POGZ: variants seen among roughly 807,000 people sequenced by gnomAD.
POGZ encodes the protein pogo transposable element with ZNF domain.
Under a neutral mutation model 134.6 loss-of-function variants are expected in POGZ, and 17 were observed. The observed-to-expected ratio is 0.13, with a 90% CI of 0.09 to 0.19. The LOEUF is 0.19. Ranked by LOEUF, POGZ falls within the 10% of genes least tolerant of loss-of-function variation. The probability of loss-of-function intolerance (pLI) is 1.00; values close to 1 mark genes in which losing one functional copy is unlikely to be tolerated. For missense variants in POGZ, 1,306 were observed against 1,769.7 expected, an observed-to-expected ratio of 0.74 and a Z score of 4.70; for synonymous variants, 693 against 657.1, an observed-to-expected ratio of 1.05 and a Z score of -0.84.
Position 151,423,434 on chromosome 1 carries a change from G to A in POGZ, c.1641C>T (p.Cys547=), listed in dbSNP as rs748529980. Residue 547 remains cysteine, a synonymous_variant, in exon 10 of 19, where the codon TGC becomes TGT. Coordinates refer to ENST00000271715, the MANE Select transcript of POGZ (RefSeq NM_015100.4). ...RQFSTPFQLQ[C]HLENVHSPYE... ...AGGGACTATGAACATTTTCCAAGTG[G>A]CACTGAAGCTGGAAGGGAGTGGAAA... 2 of 1,613,952 alleles carry A rather than the reference G, an allele frequency of 1.2e-6. No homozygotes were observed. Among genetic ancestry groups the A allele is most frequent in the Non-Finnish European group, 1.7e-6 (2 of 1,179,928 alleles).
intron 1 of POGZ, among the ~76,000 whole-genome samples, chr1:151,444,719 A>G (rs1027424641): frequency 5.3e-5 from 8 of 152,232 alleles, no homozygotes; most frequent in Admixed American, 1.3e-4. Flanking sequence ...AGTATTTACA[A>G]TACCTTAAGA....
chr1:151,450,066 C>G (rs1247829153), intron 1 of POGZ, among the ~76,000 whole-genome samples: 44 of 106,672 alleles, frequency 4.1e-4, no homozygotes, highest in Admixed American at 1.5e-4. Flanking sequence ...GAGTCTTGCT[C>G]TGTCACCCAG....
chr1:151,408,678 C>A lies in POGZ; in HGVS notation c.2061+16G>T. On this transcript the variant is annotated intron_variant, in intron 13 of 18. Transcript: ENST00000271715. ...TCCCTCCCTGGGCCTATAAAAGACA[C>A]TGGCAAACTCTTTACCTTGGTGCCT... 1 of 1,611,290 alleles carries A rather than the reference C, an allele frequency of 6.2e-7. No homozygotes were observed. Among genetic ancestry groups the A allele is most frequent in the East Asian group, 2.2e-5 (1 of 44,864 alleles).
Position 151,424,444 on chromosome 1 carries a change from T to C in POGZ, c.1186-158A>G, listed in dbSNP as rs984133135. 2.3e-5 allele frequency: 13 copies of C among 558,592 alleles called. No individual in the cohort carries two copies. In the Admixed American group the frequency reaches 4.4e-4, roughly 19 times the overall value. 34.6% of individuals were successfully genotyped at this position (558,592 alleles called of 1,614,324 possible). On this transcript the variant is annotated intron_variant, in intron 8 of 18. Coordinates refer to ENST00000271715, the MANE Select transcript of POGZ (RefSeq NM_015100.4). The stretch of plus-strand genomic sequence containing the variant: ...TTTAGCGTTTCCAAGTTTTACTCCT[T>C]TTCTAGAGTATATCCACATATGCCA...
intron 16 of POGZ, 35 bp from the exon 17 acceptor site, chr1:151,407,058 A>C: frequency 6.7e-7 from 1 of 1,499,684 alleles, no homozygotes; most frequent in Non-Finnish European, 9.3e-7. Context: ...TAAGACAAAC[A>C]CAGCAGTGAC....
Position 151,417,068 on chromosome 1 carries a change from CT to C in POGZ, c.1679-4673del, listed in dbSNP as rs562262990. ...GGATTTCTGATTAATTCTGTTAGAT[CT>C]TTTTTTTTTTTTTGAGACGGAGTCT... On this transcript the variant is annotated intron_variant, in intron 10 of 18. Transcript: ENST00000271715. Among the ~76,000 whole-genome samples the C allele has an allele frequency of 2.0e-3, 285 of 144,742 alleles. 1 individual carries two copies. Among genetic ancestry groups the C allele is most frequent in the Non-Finnish European group, 1.8e-3 (119 of 65,674 alleles). The allele number at this position is 144,742 out of a possible 152,430, so 95.0% of individuals were successfully genotyped here.
chr1:151,453,795 G>A (rs1462085999), intron 1 of POGZ, among the ~76,000 whole-genome samples: 2 of 152,112 alleles, frequency 1.3e-5, no homozygotes, highest in African/African-American at 4.8e-5. Flanking sequence ...TGGCGAATAT[G>A]GTAGTCTATA....
intron 1 of POGZ, among the ~76,000 whole-genome samples, chr1:151,447,559 C>T (rs1362246578): frequency 6.6e-6 from 1 of 151,642 alleles, no homozygotes; most frequent in Non-Finnish European, 1.5e-5. Flanking sequence ...TCAAGAAATC[C>T]TCCCACCTCA....
At chr1:151,432,418 A>T (rs1658847816) in intron 3 of POGZ, among the ~76,000 whole-genome samples, 1 of 152,218 alleles carries the variant, frequency 6.6e-6, no homozygotes, top group South Asian at 2.1e-4. Context: ...GCTCATCAGT[A>T]GACTAGACCC....
At chr1:151,458,039 C>G (rs1395932777) in intron 1 of POGZ, among the ~76,000 whole-genome samples, 1 of 152,030 alleles carries the variant, frequency 6.6e-6, no homozygotes, top group Middle Eastern at 3.2e-3. Flanking sequence ...ACGGCGGCTG[C>G]TGTGAGATAG....
chr1:151,458,239 A>C (rs1663003356), intron 1 of POGZ, among the ~76,000 whole-genome samples: 1 of 152,136 alleles, frequency 6.6e-6, no homozygotes, highest in Non-Finnish European at 1.5e-5. Flanking sequence ...CAAATAGATC[A>C]ATGACAGTAC....
In POGZ at chr1:151,442,171, C is replaced by A; in HGVS notation, c.34G>T (p.Glu12Ter). The A allele has an allele frequency of 6.2e-7, 1 of 1,613,610 alleles. No homozygotes were observed. The change falls in exon 2 of 19, where the codon GAG (glutamate) becomes TAG (stop). Residue 12 changes from glutamate to a stop codon, truncating the protein, a stop_gained. Coordinates refer to ENST00000271715, the MANE Select transcript of POGZ (RefSeq NM_015100.4). LOFTEE classifies it high-confidence loss of function. ...TTCTGCCATGGCTCCAACTCCTCCT[C>A]CTCACATTCCATGAACAGGTCGGTG... ...ADTDLFMECE[E>*]EELEPWQKIS...
At position 151,430,735 on chromosome 1, in the gene POGZ, C is replaced by A; in HGVS notation, c.390G>T (p.Gln130His). 1.2e-6 allele frequency: 2 copies of A among 1,609,042 alleles called. No homozygotes were observed. The highest frequency in any genetic ancestry group is 1.7e-6 in the Non-Finnish European group (2 of 1,177,884). Residue 130 changes from glutamine (Q) to histidine (H), a missense_variant, in exon 4 of 19, where the codon CAG becomes CAT. This residue lies in a region of POGZ where 541 missense variants were observed against 680.5 expected (regional missense o/e 0.80). Coordinates refer to ENST00000271715, the MANE Select transcript of POGZ (RefSeq NM_015100.4). Reference protein sequence around the residue: ...MVTQPVLRPVQVMQNANHVTS... With the variant: ...MVTQPVLRPVHVMQNANHVTS... ...TCACATGATTGGCATTCTGCATGAC[C>A]TGAACAGGCCTCAATACTGGTTGAG...
At chr1:151,458,762 G>A (rs975375112) in intron 1 of POGZ, among the ~76,000 whole-genome samples, 1,465 of 145,540 alleles carry the variant, frequency 0.01, 27 homozygotes, top group African/African-American at 0.035. Flanking sequence ...GCCTCGCGCC[G>A]AGCGTGCGTG....
chr1:151,424,885 C>A, intron 8 of POGZ, 70 bp downstream of exon 8: 3 of 792,780 alleles, frequency 3.8e-6, no homozygotes, highest in Non-Finnish European at 4.3e-6. Context: ...CCCCTGCTTA[C>A]AAGCTTCCAA....
chr1:151,442,642 C>T (rs1290369124), intron 1 of POGZ, among the ~76,000 whole-genome samples: 1 of 144,004 alleles, frequency 6.9e-6, no homozygotes, highest in Admixed American at 7.2e-5. Context: ...ATCCAGGAGG[C>T]AGAGGTTGCA....
At chr1:151,451,348 T>TG (rs753696976) in intron 1 of POGZ, among the ~76,000 whole-genome samples, 44 of 151,854 alleles carry the variant, frequency 2.9e-4, no homozygotes, top group Admixed American at 6.7e-5. Flanking sequence ...TTTTTTGAGA[T>TG]GGAGTTTCAC....
Position 151,405,924 on chromosome 1 carries a change from G to C in POGZ, c.3111C>G (p.Thr1037=). The C allele has an allele frequency of 1.2e-6, 2 of 1,614,174 alleles. No individual in the cohort carries two copies. The highest frequency in any genetic ancestry group is 1.7e-6 in the Non-Finnish European group (2 of 1,180,034). ...TTACAGGTAGCTGTTGTTCGCGCTG[G>C]GTTAGCACCCACTCAGCCAGTTTCT... ...AEEKLAEWVL[T]QREQQLPVNE... Residue 1037 remains threonine (T), a synonymous_variant, in exon 19 of 19, where the codon ACC becomes ACG. Transcript: ENST00000271715. The surrounding 1 kb of genome is among the most constrained non-coding windows in gnomAD (Gnocchi z 4.9).
At chr1:151,449,872 G>A (rs72633636) in intron 1 of POGZ, among the ~76,000 whole-genome samples, 10,293 of 152,252 alleles carry the variant, frequency 0.068, 1,137 homozygotes, top group East Asian at 0.44. Flanking sequence ...GGGAGACAGT[G>A]CGAGACTCCG....
Sources: gnomAD v4.1 joint callset for allele counts (sites outside exome capture counted in the v4.1 genomes callset) on GRCh38, gnomAD v4.1.1 for gene constraint, gnomAD v4.1.1 regional missense constraint, Gnocchi (gnomAD v3.1) non-coding constraint, MANE v1.5 for transcripts, NCBI Gene and HGNC (gene_info 2026-07-23, HGNC 2026-07-21) for gene names.